LCP1: variants seen among roughly 807,000 people sequenced by gnomAD.
The protein encoded by LCP1 is plastin-2.
LCP1 carries 23 observed loss-of-function variants against 72.0 expected under a neutral mutation model. The observed-to-expected ratio is 0.32, with a 90% CI of 0.23 to 0.45. The LOEUF is 0.45. Among genes scored for constraint, LCP1 ranks in the 20% least tolerant of loss-of-function variants. The pLI is 1.00. For synonymous variants in LCP1, 245 were observed against 275.4 expected (o/e 0.89, Z 1.09); for missense variants, 571 against 748.3 (o/e 0.76, Z 2.76).
chr13:46,143,230 G>A, intron 12 of LCP1, 60 bp downstream of exon 12: 1 of 1,118,770 alleles, frequency 8.9e-7, no homozygotes, highest in South Asian at 1.3e-5. Context: ...AGTATTTAGA[G>A]TGCTCTTGCA....
chr13:46,133,580 C>T (rs55795385), intron 14 of LCP1, among the ~76,000 whole-genome samples: 2,124 of 152,160 alleles, frequency 0.014, 46 homozygotes, highest in African/African-American at 0.047. Context: ...GAGCCACAAT[C>T]ATGCCACTGT....
rs1225434993 is a variant in LCP1 at position 46,127,130 on chromosome 13, A to C, written c.*461T>G. On this transcript the variant is annotated 3_prime_UTR_variant, in exon 16 of 16. Coordinates refer to ENST00000323076, the MANE Select transcript of LCP1 (RefSeq NM_002298.5). ...CAGGGTAGGAAGAGGGGACAGAAAG[A>C]GGGGCTTGCAACAGATCAAATGCTG... 1 of 232,348 alleles carries C rather than the reference A, an allele frequency of 4.3e-6. No homozygotes were observed. The highest frequency in any genetic ancestry group is 8.5e-6 in the Non-Finnish European group (1 of 117,654). The allele number at this position is 232,348 out of a possible 1,614,324, so 14.4% of individuals were successfully genotyped here. A position where few individuals can be genotyped will look rare whatever the true frequency, so the allele number is the denominator to read the frequency against.
intron 1 of LCP1, among the ~76,000 whole-genome samples, chr13:46,177,253 G>A (rs1019845729): frequency 6.6e-5 from 10 of 152,200 alleles, no homozygotes; most frequent in African/African-American, 1.2e-4. Context: ...TCATAGATAT[G>A]TGTACTTGGG....
chr13:46,160,546 C>T (rs1454364084), intron 1 of LCP1, among the ~76,000 whole-genome samples: 1 of 152,022 alleles, frequency 6.6e-6, no homozygotes, highest in African/African-American at 2.4e-5. Context: ...GGAAGCTGAC[C>T]CTCTCATAAT....
At position 46,128,111 on chromosome 13, in the gene LCP1, G is replaced by T. The variant is rs145640176; in HGVS notation, c.1752-388C>A. 2.6e-4 allele frequency among the ~76,000 whole-genome samples: 40 copies of T among 151,512 alleles called. No homozygotes were observed. The East Asian group carries it at 7.0e-3, about 27-fold the overall frequency. ...TTGCCTCAGCCTCCCAAAGCACTGGGATTACAGGTGTGAGCCACTACAGCA... is the reference window on the plus strand; with the variant it reads ...TTGCCTCAGCCTCCCAAAGCACTGGTATTACAGGTGTGAGCCACTACAGCA... On this transcript the variant is annotated intron_variant, in intron 15 of 15. Transcript: ENST00000323076.
At chr13:46,143,541 C>G (rs2045711057) in intron 11 of LCP1, 137 bp from the exon 12 acceptor site, 2 of 593,320 alleles carry the variant, frequency 3.4e-6, no homozygotes, top group African/African-American at 1.9e-5. Context: ...GTAGCTCCAT[C>G]TATAGAGGTG....
chr13:46,156,701 C>T (rs1254871522), intron 4 of LCP1, 131 bp from the exon 5 acceptor site: 11 of 977,244 alleles, frequency 1.1e-5, no homozygotes, highest in African/African-American at 1.6e-5. Context: ...ATCTTATCAT[C>T]TCATATTTAT....
At chr13:46,145,523 G>A (rs184127802) in intron 10 of LCP1, among the ~76,000 whole-genome samples, 6 of 152,242 alleles carry the variant, frequency 3.9e-5, no homozygotes, top group African/African-American at 1.4e-4. Context: ...TGGATGTAGG[G>A]ATGAAGGATA....
At chr13:46,144,584 G>T in intron 10 of LCP1, 64 bp from the exon 11 acceptor site, 2 of 1,096,482 alleles carry the variant, frequency 1.8e-6, no homozygotes, top group Non-Finnish European at 2.8e-6. Context: ...TATGACCAAA[G>T]TTTAACTAAA....
At chr13:46,176,114 C>G (rs1471377453) in intron 1 of LCP1, among the ~76,000 whole-genome samples, 2 of 152,092 alleles carry the variant, frequency 1.3e-5, no homozygotes, top group Admixed American at 1.3e-4. Flanking sequence ...TATAGCTAGA[C>G]AGGAGGAATA....
At chr13:46,157,858 T>C (rs7996143) in intron 4 of LCP1, among the ~76,000 whole-genome samples, 45,857 of 150,844 alleles carry the variant, frequency 0.3, 8,358 homozygotes, top group African/African-American at 0.5. Context: ...GCGATTCTCC[T>C]GTCTCAGCTT....
Position 46,158,644 on chromosome 13 carries a change from T to C in LCP1, c.236A>G (p.His79Arg). 4 of 1,614,052 alleles carry C rather than the reference T, an allele frequency of 2.5e-6. No individual in the cohort carries two copies. Among genetic ancestry groups the C allele is most frequent in the Non-Finnish European group, 3.4e-6 (4 of 1,179,998 alleles). ...GGCAACATCTGTGCTTTTTAGGCCA[T>C]GGAAAATCTGCAAAAATATAATGTA... ...ISFDEFIKIF[H>R]GLKSTDVAKT... Residue 79 changes from histidine to arginine, a missense_variant, in exon 4 of 16, where the codon CAT (histidine) becomes CGT (arginine). By Grantham distance (29) the His-to-Arg change is conservative (BLOSUM62 0). Transcript: ENST00000323076.
At chr13:46,132,531 G>A (rs549191653) in intron 14 of LCP1, among the ~76,000 whole-genome samples, 2 of 152,326 alleles carry the variant, frequency 1.3e-5, no homozygotes, top group South Asian at 4.1e-4. Flanking sequence ...TGTCAGCGAA[G>A]ATGCCCTAAG....
At chr13:46,127,749 A>G in intron 15 of LCP1, 26 bp from the exon 16 acceptor site, 1 of 1,613,764 alleles carries the variant, frequency 6.2e-7, no homozygotes, top group Non-Finnish European at 8.5e-7. Context: ...GAGGAAAAAT[A>G]AGGAGAGCCT....
chr13:46,140,835 T>A (rs1420937765), intron 13 of LCP1, among the ~76,000 whole-genome samples: 1 of 152,152 alleles, frequency 6.6e-6, no homozygotes, highest in East Asian at 1.9e-4. Context: ...TGGATGGAGT[T>A]AATGGAATAT....
At chr13:46,180,700 AAAC>A (rs1480149189) in intron 1 of LCP1, among the ~76,000 whole-genome samples, 1 of 152,260 alleles carries the variant, frequency 6.6e-6, no homozygotes, top group African/African-American at 2.4e-5. Flanking sequence ...ACTTAACTTT[AAAC>A]AGGGGACCTT....
intron 1 of LCP1, among the ~76,000 whole-genome samples, chr13:46,178,272 TC>T (rs1180755501): frequency 6.6e-6 from 1 of 150,954 alleles, no homozygotes; most frequent in Admixed American, 6.6e-5. Context: ...CGCCTTCCAC[TC>T]CCCCCCATCC....
At chr13:46,157,126 A>G (rs1014598863) in intron 4 of LCP1, among the ~76,000 whole-genome samples, 1 of 151,544 alleles carries the variant, frequency 6.6e-6, no homozygotes, top group East Asian at 1.9e-4. Context: ...GGCCAAAACT[A>G]TCTCTCTGTT....
chr13:46,150,782 G>A (rs765274633), intron 8 of LCP1, among the ~76,000 whole-genome samples, 154 bp downstream of exon 8: 1 of 152,144 alleles, frequency 6.6e-6, no homozygotes, highest in Non-Finnish European at 1.5e-5. Context: ...AGCAGCAGAT[G>A]GGCTCTCAAG....
Sources: gnomAD v4.1 joint callset for allele counts (sites outside exome capture counted in the v4.1 genomes callset) on GRCh38, gnomAD v4.1.1 for gene constraint, MANE v1.5 for transcripts, NCBI Gene and HGNC (gene_info 2026-07-23, HGNC 2026-07-21) for gene names.